CTNNA1: variants seen among roughly 807,000 people sequenced by gnomAD.
The protein encoded by CTNNA1 is catenin alpha-1.
CTNNA1 carries 37 observed loss-of-function variants against 98.4 expected under a neutral mutation model. That is an observed-to-expected ratio of 0.38 (90% confidence interval 0.29 to 0.49). The LOEUF is 0.49. Ranked by LOEUF, CTNNA1 falls within the 20% of genes least tolerant of loss-of-function variation. CTNNA1 has a pLI of 0.95. For missense variants in CTNNA1, 761 were observed against 1,147.2 expected (o/e 0.66, Z 4.86); for synonymous variants, 404 against 413.2 (o/e 0.98, Z 0.27).
rs1764436307 is a variant in CTNNA1 at position 138,927,741 on chromosome 5, TGAATGA to T, written c.1900-1502_1900-1497del. ...ATGAATGAATGAATGAATGAATGAA[TGAATGA>T]GAGTACTCGGTTTTCTTGGCAAGAA... On this transcript the variant is annotated intron_variant, in intron 13 of 17. Coordinates refer to ENST00000302763, the MANE Select transcript of CTNNA1 (RefSeq NM_001903.5). Among the ~76,000 whole-genome samples the T allele has an allele frequency of 5.3e-5, 8 of 150,500 alleles. No individual in the cohort carries two copies. In the Middle Eastern group the frequency reaches 0.014, roughly 258 times the overall value.
intron 7 of CTNNA1, among the ~76,000 whole-genome samples, chr5:138,878,313 C>A (rs1411223868): frequency 1.3e-5 from 2 of 152,154 alleles, no homozygotes; most frequent in Non-Finnish European, 1.5e-5. Flanking sequence ...GTGCAGAGTT[C>A]CCATTGATGG....
intron 3 of CTNNA1, among the ~76,000 whole-genome samples, chr5:138,791,920 T>C (rs1223766893): frequency 6.6e-6 from 1 of 152,044 alleles, no homozygotes; most frequent in Non-Finnish European, 1.5e-5. Flanking sequence ...GTTACATATG[T>C]ATACGTGTAC....
intron 10 of CTNNA1, among the ~76,000 whole-genome samples, chr5:138,915,879 T>G (rs991920938): frequency 6.6e-6 from 1 of 151,970 alleles, no homozygotes; most frequent in Non-Finnish European, 1.5e-5. Context: ...TGAAAACCCG[T>G]CTCTACTAAA....
intron 1 of CTNNA1, among the ~76,000 whole-genome samples, chr5:138,778,229 C>T (rs1406619117): frequency 3.3e-5 from 5 of 151,922 alleles, no homozygotes; most frequent in African/African-American, 9.7e-5. Context: ...CTCCTGAACT[C>T]GTGATCCACC....
chr5:138,858,981 T>C (rs1764009120), intron 7 of CTNNA1, among the ~76,000 whole-genome samples: 1 of 152,228 alleles, frequency 6.6e-6, no homozygotes, highest in Admixed American at 6.5e-5. Flanking sequence ...TCGTGAACTT[T>C]CATTGGTTCT....
chr5:138,856,260 TA>T (rs1763714136), intron 7 of CTNNA1, among the ~76,000 whole-genome samples: 1 of 152,212 alleles, frequency 6.6e-6, no homozygotes, highest in Admixed American at 6.5e-5. Flanking sequence ...TTAAACCTTA[TA>T]ATAAGATACT....
chr5:138,836,145 C>G (rs1200824176), intron 7 of CTNNA1, among the ~76,000 whole-genome samples: 5 of 152,352 alleles, frequency 3.3e-5, no homozygotes, highest in African/African-American at 9.6e-5. Context: ...GCCACCATGG[C>G]TGGCCAAGAG....
Position 138,827,718 on chromosome 5 carries a change from T to C in CTNNA1, c.1062T>C (p.Asn354=), listed in dbSNP as rs1581178748. The C allele has an allele frequency of 3.7e-6, 6 of 1,614,066 alleles. No homozygotes were observed. The highest frequency in any genetic ancestry group is 5.1e-6 in the Non-Finnish European group (6 of 1,179,938). ...LQDLLSEYMG[N]AGRKERSDAL... ...ACCTGCTTTCGGAGTACATGGGCAA[T>C]GTGAGTTTGACAGCTTTTCTTTGAA... Residue 354 remains asparagine (N), a splice_region_variant and synonymous_variant, in exon 7 of 18, where the codon AAT becomes AAC. Transcript: ENST00000302763.
At chr5:138,932,239 T>G in intron 16 of CTNNA1, 2 of 1,095,860 alleles carry the variant, frequency 1.8e-6, no homozygotes, top group Non-Finnish European at 2.2e-6. Context: ...GGCATGGGCC[T>G]CCACCCTGCC....
intron 7 of CTNNA1, among the ~76,000 whole-genome samples, chr5:138,835,298 T>C (rs1001350790): frequency 6.6e-6 from 1 of 152,210 alleles, no homozygotes; most frequent in South Asian, 2.1e-4. Flanking sequence ...TTTTCCATGC[T>C]AGACTGGTGG....
chr5:138,820,236 A>T (rs884470), intron 5 of CTNNA1, among the ~76,000 whole-genome samples: 1 of 151,602 alleles, frequency 6.6e-6, no homozygotes, highest in Non-Finnish European at 1.5e-5. Flanking sequence ...TGTCTGGCCA[A>T]TTGGTTGTGA....
At chr5:138,825,778 C>T (rs1760655932) in intron 6 of CTNNA1, among the ~76,000 whole-genome samples, 1 of 152,014 alleles carries the variant, frequency 6.6e-6, no homozygotes, top group Non-Finnish European at 1.5e-5. Context: ...AGTGTTAAGT[C>T]TAAAGACCAT....
At chr5:138,796,233 A>T (rs1270673234) in intron 3 of CTNNA1, among the ~76,000 whole-genome samples, 2 of 152,218 alleles carry the variant, frequency 1.3e-5, no homozygotes, top group Non-Finnish European at 2.9e-5. Flanking sequence ...CTAGTTTTTT[A>T]CTTTAAAGAC....
At chr5:138,847,898 A>G (rs145233035) in intron 7 of CTNNA1, among the ~76,000 whole-genome samples, 1 of 152,332 alleles carries the variant, frequency 6.6e-6, no homozygotes, top group Non-Finnish European at 1.5e-5. Flanking sequence ...TGTATAGGCC[A>G]GTATATCTTT....
intron 7 of CTNNA1, among the ~76,000 whole-genome samples, chr5:138,838,043 G>A (rs566585648): frequency 7.2e-5 from 11 of 152,218 alleles, no homozygotes; most frequent in Non-Finnish European, 1.0e-4. Context: ...TGGGACTGCA[G>A]GTGTGCACTG....
intron 7 of CTNNA1, among the ~76,000 whole-genome samples, chr5:138,838,145 C>T (rs994164795): frequency 1.3e-5 from 2 of 152,224 alleles, no homozygotes; most frequent in Non-Finnish European, 2.9e-5. Flanking sequence ...AAATGCTATA[C>T]CCACCTCAGC....
intron 16 of CTNNA1, 108 bp downstream of exon 16, chr5:138,931,043 C>T: frequency 1.4e-6 from 1 of 699,986 alleles, no homozygotes. Context: ...TTTTGCCACT[C>T]ATCTCTAAAA....
chr5:138,843,071 C>T (rs1762406372), intron 7 of CTNNA1, among the ~76,000 whole-genome samples: 1 of 152,052 alleles, frequency 6.6e-6, no homozygotes, highest in Non-Finnish European at 1.5e-5. Context: ...TGTGAATTAT[C>T]CTTAACCCTC....
intron 7 of CTNNA1, among the ~76,000 whole-genome samples, chr5:138,847,899 G>C (rs528111892): frequency 2.5e-4 from 38 of 152,304 alleles, no homozygotes; most frequent in African/African-American, 7.9e-4. Context: ...GTATAGGCCA[G>C]TATATCTTTT....
Sources: allele counts gnomAD v4.1 joint callset (sites outside exome capture counted in the v4.1 genomes callset), GRCh38; gene constraint gnomAD v4.1.1; transcripts MANE v1.5; gene names NCBI Gene and HGNC (gene_info 2026-07-23, HGNC 2026-07-21).